The following CSGALNACT1 variants were observed in gnomAD, a reference collection of about 807,000 sequenced individuals.
The protein encoded by CSGALNACT1 is chondroitin sulfate N-acetylgalactosaminyltransferase 1, also known as beta4GalNAcT-1.
A neutral mutation model predicts 51.0 loss-of-function variants in CSGALNACT1; 52 were observed. The observed-to-expected ratio is 1.02, with a 90% CI of 0.82 to 1.29. The LOEUF (loss-of-function observed/expected upper bound fraction) is 1.29. CSGALNACT1 is among the 50% of genes most tolerant of loss of function. CSGALNACT1 has a pLI of 0.00. For missense variants in CSGALNACT1, 935 were observed against 679.2 expected (o/e 1.38, Z -4.19); for synonymous variants, 341 against 254.4 (o/e 1.34, Z -3.24).
chr8:19,406,261 G>A (rs1288253032), intron 9 of CSGALNACT1, among the ~76,000 whole-genome samples, 192 bp from the exon 9 acceptor site: 1 of 152,038 alleles, frequency 6.6e-6, no homozygotes, highest in African/African-American at 2.4e-5. Flanking sequence ...CGACTTTTAT[G>A]GCAGACAGCA....
intron 3 of CSGALNACT1, among the ~76,000 whole-genome samples, chr8:19,572,829 C>T (rs189630094): frequency 1.3e-5 from 2 of 152,254 alleles, no homozygotes; most frequent in African/African-American, 4.8e-5. Flanking sequence ...CCACAAAACA[C>T]AAAAGAGACT....
intron 3 of CSGALNACT1, among the ~76,000 whole-genome samples, chr8:19,586,633 T>G (rs563798055): frequency 6.6e-6 from 1 of 152,128 alleles, no homozygotes; most frequent in Non-Finnish European, 1.5e-5. Flanking sequence ...AGTCTATGAC[T>G]GGCAATGAAG....
chr8:19,680,754 A>G (rs1310733663), intron 1 of CSGALNACT1, among the ~76,000 whole-genome samples: 1 of 152,048 alleles, frequency 6.6e-6, no homozygotes, highest in Non-Finnish European at 1.5e-5. Flanking sequence ...TCAGCACGTG[A>G]ACATCAAAAT....
At chr8:19,647,270 G>C (rs1483131296) in intron 1 of CSGALNACT1, among the ~76,000 whole-genome samples, 1 of 152,036 alleles carries the variant, frequency 6.6e-6, no homozygotes, top group Non-Finnish European at 1.5e-5. Flanking sequence ...GGCTACACGA[G>C]GCTACACACA....
At chr8:19,728,032 G>C (rs1429583684) in intron 1 of CSGALNACT1, among the ~76,000 whole-genome samples, 1 of 152,150 alleles carries the variant, frequency 6.6e-6, no homozygotes, top group Non-Finnish European at 1.5e-5. Flanking sequence ...GCTCTGAGAG[G>C]CTGTGTCATG....
At chr8:19,451,681 T>C (rs1362694334) in intron 5 of CSGALNACT1, among the ~76,000 whole-genome samples, 1 of 152,218 alleles carries the variant, frequency 6.6e-6, no homozygotes, top group African/African-American at 2.4e-5. Flanking sequence ...AGGGCTGCTC[T>C]TTCTTGGGAA....
At position 19,615,164 on chromosome 8, in the gene CSGALNACT1, C is replaced by T. The variant is rs192568992; in HGVS notation, c.-543-13299G>A. On this transcript the variant is annotated intron_variant, in intron 1 of 9. Coordinates refer to the CSGALNACT1 transcript ENST00000332246. ...CCTAAAAATACAAAAATTAACCAGG[C>T]ATGCTGGCGTGCACCTGTAATCCCA... Among the ~76,000 whole-genome samples, 3 of 152,276 alleles carry T rather than the reference C, an allele frequency of 2.0e-5. No individual in the cohort carries two copies. In the East Asian group the frequency reaches 5.8e-4, roughly 29 times the overall value.
chr8:19,730,808 T>C (rs765964878), intron 1 of CSGALNACT1, among the ~76,000 whole-genome samples: 1 of 152,228 alleles, frequency 6.6e-6, no homozygotes, highest in African/African-American at 2.4e-5. Flanking sequence ...GAAATAGCTC[T>C]CTTGTGTTCC....
chr8:19,705,015 A>G (rs2062078633), intron 1 of CSGALNACT1, among the ~76,000 whole-genome samples: 1 of 152,244 alleles, frequency 6.6e-6, no homozygotes, highest in Non-Finnish European at 1.5e-5. Context: ...AACCTACATC[A>G]TAGTGACTGT....
At chr8:19,663,352 T>G (rs566174679) in intron 1 of CSGALNACT1, among the ~76,000 whole-genome samples, 1 of 152,218 alleles carries the variant, frequency 6.6e-6, no homozygotes, top group Non-Finnish European at 1.5e-5. Context: ...CTTTGGGTGC[T>G]CTTAAGTCCT....
intron 5 of CSGALNACT1, among the ~76,000 whole-genome samples, chr8:19,454,431 G>A (rs755441482): frequency 3.3e-5 from 5 of 152,218 alleles, no homozygotes; most frequent in Admixed American, 6.5e-5. Context: ...AGCACTTTGG[G>A]AGGCCAAGGT....
chr8:19,688,637 T>C (rs1051307093), intron 1 of CSGALNACT1: 1 of 152,282 alleles, frequency 6.6e-6, no homozygotes, highest in Non-Finnish European at 1.5e-5. Context: ...TCATCTTTAT[T>C]TTAAAAAAAG....
chr8:19,684,938 C>G (rs1202882128), upstream of CSGALNACT1, among the ~76,000 whole-genome samples: 1 of 152,192 alleles, frequency 6.6e-6, no homozygotes, highest in South Asian at 2.1e-4. Flanking sequence ...TCCACAAAAC[C>G]TGGATCCATC....
chr8:19,521,638 A>C lies in CSGALNACT1; in HGVS notation c.-296-15508T>G, dbSNP rs141201324. ...GCGGAGGCTGCAGTGAGCCGAGATC[A>C]CACTACTAGACTCCGTCTCCAAAAA... On this transcript the variant is annotated intron_variant, in intron 3 of 9. Transcript: ENST00000454498. 6.4e-3 allele frequency among the ~76,000 whole-genome samples: 964 copies of C among 151,094 alleles called. 16 individuals carry two copies. The highest frequency in any genetic ancestry group is 0.022 in the African/African-American group (896 of 41,062).
At chr8:19,605,500 C>A (rs1267394147), upstream of CSGALNACT1, among the ~76,000 whole-genome samples, 1 of 152,180 alleles carries the variant, frequency 6.6e-6, no homozygotes, top group Non-Finnish European at 1.5e-5. Flanking sequence ...TCAGTCCCCT[C>A]CCCTGTCCTC....
chr8:19,416,924 G>C (rs2057001496), intron 8 of CSGALNACT1, among the ~76,000 whole-genome samples: 1 of 151,662 alleles, frequency 6.6e-6, no homozygotes, highest in Non-Finnish European at 1.5e-5. Flanking sequence ...GTGCAGTGGT[G>C]CGATCTCAGC....
chr8:19,472,050 A>C lies in CSGALNACT1; in HGVS notation c.635-13408T>G, dbSNP rs528972228. 2.6e-5 allele frequency among the ~76,000 whole-genome samples: 4 copies of C among 152,340 alleles called. No homozygotes were observed. The East Asian group carries it at 7.7e-4, about 29-fold the overall frequency. On this transcript the variant is annotated intron_variant, in intron 4 of 9. Coordinates refer to ENST00000454498, the Ensembl canonical transcript of CSGALNACT1. ...TCTATTCCCATCATCTTACCTTAAG[A>C]CACCAAGGGTTAGAAATTACACTTG...
chr8:19,449,941 A>C (rs2062799474), intron 5 of CSGALNACT1, among the ~76,000 whole-genome samples: 1 of 151,508 alleles, frequency 6.6e-6, no homozygotes, highest in Non-Finnish European at 1.5e-5. Flanking sequence ...TGCTATCACA[A>C]ACAAAACAGA....
intron 3 of CSGALNACT1, among the ~76,000 whole-genome samples, chr8:19,574,357 C>G (rs2043687604): frequency 6.6e-6 from 1 of 152,206 alleles, no homozygotes; most frequent in Non-Finnish European, 1.5e-5. Flanking sequence ...CAACAACTTC[C>G]ACAGCCTCTT....
Sources: allele counts gnomAD v4.1 joint callset (sites outside exome capture counted in the v4.1 genomes callset), GRCh38; gene constraint gnomAD v4.1.1; transcripts MANE v1.5; gene names NCBI Gene and HGNC (gene_info 2026-07-23, HGNC 2026-07-21).